Variants in RERE observed in about 807,000 individuals in gnomAD.
RERE encodes the protein arginine-glutamic acid dipeptide repeats.
In RERE, 40 loss-of-function variants were observed where a neutral mutation model predicts 146.1. The ratio of observed to expected loss-of-function variants is 0.27; its 90% CI spans 0.21 to 0.36. RERE has a LOEUF of 0.36. Ranked by LOEUF, RERE falls within the 10% of genes least tolerant of loss-of-function variation. The probability of loss-of-function intolerance (pLI) is 1.00; values close to 1 mark genes in which losing one functional copy is unlikely to be tolerated. For synonymous variants in RERE, 1,003 were observed against 866.0 expected, an observed-to-expected ratio of 1.16 and a Z score of -2.78; for missense variants, 1,933 against 2,138.7, an observed-to-expected ratio of 0.90 and a Z score of 1.90.
At chr1:8,647,015 G>C (rs761304311) in intron 2 of RERE, among the ~76,000 whole-genome samples, 7 of 152,230 alleles carry the variant, frequency 4.6e-5, no homozygotes, top group Non-Finnish European at 2.9e-5. Context: ...CTACTCAGGA[G>C]ATTGAGGCTG....
intron 11 of RERE, among the ~76,000 whole-genome samples, chr1:8,452,995 G>A (rs182086568): frequency 8.5e-4 from 130 of 152,242 alleles, no homozygotes; most frequent in Admixed American, 2.0e-3. Flanking sequence ...GTGAGCAACC[G>A]GATTACACAT....
Position 8,373,654 on chromosome 1 carries a change from A to G in RERE, c.1285-7680T>C, listed in dbSNP as rs1046874075. On this transcript the variant is annotated intron_variant, in intron 12 of 22. Coordinates refer to ENST00000400908, the MANE Select transcript of RERE (RefSeq NM_001042681.2). Reference sequence around the variant, plus strand: ...GTCTGCATGCGACGCTGTCCCCTGAAGAGCTGCCCTAACTGGAGTGCTCCA... The same window carrying G: ...GTCTGCATGCGACGCTGTCCCCTGAGGAGCTGCCCTAACTGGAGTGCTCCA... 7.9e-5 allele frequency among the ~76,000 whole-genome samples: 12 copies of G among 152,178 alleles called. 1 individual carries two copies. The highest frequency in any genetic ancestry group is 5.9e-4 in the Admixed American group (9 of 15,282).
At chr1:8,810,052 C>A (rs1179132565) in intron 1 of RERE, among the ~76,000 whole-genome samples, 1 of 151,920 alleles carries the variant, frequency 6.6e-6, no homozygotes, top group Non-Finnish European at 1.5e-5. Flanking sequence ...GTCGCCCAGG[C>A]TGGAGTGCAG....
Position 8,356,439 on chromosome 1 carries a change from C to T in RERE, c.4340-193G>A, listed in dbSNP as rs958629709. 4.6e-5 allele frequency among the ~76,000 whole-genome samples: 7 copies of T among 152,140 alleles called. No homozygotes were observed. The highest frequency in any genetic ancestry group is 4.2e-4 in the South Asian group (2 of 4,808). Reference sequence around the variant, plus strand: ...CACCTTCAGCAAGAGCTCCAGAGGCCGAGAGAAGTGACGAGCCCACCGCTG... The same window carrying T: ...CACCTTCAGCAAGAGCTCCAGAGGCTGAGAGAAGTGACGAGCCCACCGCTG... On this transcript the variant is annotated intron_variant, in intron 20 of 22. Transcript: ENST00000400908. This position sits in a 1 kb window ranked among gnomAD's most constrained non-coding sequence, Gnocchi z 5.2.
At chr1:8,480,159 A>C (rs1431124126) in intron 10 of RERE, among the ~76,000 whole-genome samples, 1 of 63,838 alleles carries the variant, frequency 1.6e-5, no homozygotes, top group Non-Finnish European at 3.0e-5. Flanking sequence ...TTTTTTTTTG[A>C]GACACAGTCT....
chr1:8,370,899 C>T (rs1003369442), intron 12 of RERE, among the ~76,000 whole-genome samples: 60 of 152,248 alleles, frequency 3.9e-4, no homozygotes, highest in African/African-American at 1.4e-3. Context: ...CAAAGGCAGC[C>T]TTGCAAATTA....
chr1:8,597,090 A>T (rs973384606), intron 4 of RERE, among the ~76,000 whole-genome samples: 2 of 144,326 alleles, frequency 1.4e-5, no homozygotes, highest in East Asian at 4.1e-4. Context: ...ACTGATGCTG[A>T]TTTTTTTTTT....
intron 12 of RERE, among the ~76,000 whole-genome samples, chr1:8,417,921 C>T (rs989753855): frequency 6.6e-6 from 1 of 152,160 alleles, no homozygotes; most frequent in Admixed American, 6.5e-5. Flanking sequence ...GTTGCTTTTC[C>T]TCTACCCTCC....
intron 6 of RERE, among the ~76,000 whole-genome samples, chr1:8,549,500 A>G (rs140334436): frequency 1.3e-5 from 2 of 152,360 alleles, no homozygotes; most frequent in East Asian, 1.9e-4. Flanking sequence ...ATTCCAATTA[A>G]TAAGTGTAGA....
At chr1:8,605,464 C>A (rs145964189) in intron 4 of RERE, among the ~76,000 whole-genome samples, 2 of 151,512 alleles carry the variant, frequency 1.3e-5, no homozygotes, top group African/African-American at 4.8e-5. Flanking sequence ...AACTAAAGGA[C>A]GGGTGCGGTG....
At chr1:8,666,007 T>C (rs1638562919) in intron 1 of RERE, among the ~76,000 whole-genome samples, 1 of 152,156 alleles carries the variant, frequency 6.6e-6, no homozygotes, top group Admixed American at 6.5e-5. Context: ...CACACAACTA[T>C]GTGTGAGACC....
chr1:8,521,039 A>G (rs1401945199), intron 7 of RERE, among the ~76,000 whole-genome samples: 1 of 152,150 alleles, frequency 6.6e-6, no homozygotes, highest in Non-Finnish European at 1.5e-5. Flanking sequence ...GTATGAATAT[A>G]GAAGGAAGAG....
chr1:8,452,048 C>T (rs901135918), intron 11 of RERE, among the ~76,000 whole-genome samples: 13 of 152,222 alleles, frequency 8.5e-5, no homozygotes, highest in African/African-American at 3.1e-4. Flanking sequence ...TGGGCAACAA[C>T]TTGCTACTAA....
chr1:8,722,546 A>G (rs1048959859), intron 1 of RERE, among the ~76,000 whole-genome samples: 5 of 152,238 alleles, frequency 3.3e-5, no homozygotes, highest in Non-Finnish European at 7.3e-5. Context: ...CTTGGCCTTC[A>G]TATCCCTGGG....
At chr1:8,614,965 TTAAGA>T (rs1289695685) in intron 3 of RERE, among the ~76,000 whole-genome samples, 1 of 152,140 alleles carries the variant, frequency 6.6e-6, no homozygotes, top group Non-Finnish European at 1.5e-5. Flanking sequence ...AATAACCAAG[TTAAGA>T]TGTGAGATAG....
At position 8,352,923 on chromosome 1, in the gene RERE, A is replaced by G. The variant is rs2124347569; in HGVS notation, c.*2164T>C. 6.5e-6 allele frequency: 1 copy of G among 152,728 alleles called. No individual in the cohort carries two copies. The highest frequency in any genetic ancestry group is 1.9e-4 in the East Asian group (1 of 5,188). 9.5% of individuals were successfully genotyped at this position (152,728 alleles called of 1,614,324 possible). On this transcript the variant is annotated 3_prime_UTR_variant, in exon 23 of 23. Coordinates refer to ENST00000400908, the MANE Select transcript of RERE (RefSeq NM_001042681.2). ...ACTCGACTCTTCTTTGGAAAAATGG[A>G]TGCCAAAGGAGGAGATAAAGAAGGT... is the stretch of plus-strand genomic sequence containing the variant.
At chr1:8,726,318 A>AT (rs1307599080) in intron 1 of RERE, among the ~76,000 whole-genome samples, 1 of 151,498 alleles carries the variant, frequency 6.6e-6, no homozygotes, top group Non-Finnish European at 1.5e-5. Context: ...CGCTCGGTTA[A>AT]TTTTTATATT....
Position 8,416,585 on chromosome 1 carries a change from C to CT in RERE, c.1284+6141_1284+6142insA, listed in dbSNP as rs1455006394. ...TGGGCGACAGAGCGAGACTCCATCT[C>CT]CAAAAAAAAAAAAAAAAGAAAAGAA... is the stretch of plus-strand genomic sequence containing the variant. On this transcript the variant is annotated intron_variant, in intron 12 of 22. Transcript: ENST00000400908. Among the ~76,000 whole-genome samples the CT allele has an allele frequency of 7.5e-5, 4 of 53,090 alleles. No individual in the cohort carries two copies. In the East Asian group the frequency reaches 3.0e-3, roughly 40 times the overall value. 34.8% of individuals were successfully genotyped at this position (53,090 alleles called of 152,430 possible).
intron 4 of RERE, among the ~76,000 whole-genome samples, chr1:8,593,555 C>T (rs376547701): frequency 4.6e-5 from 7 of 152,278 alleles, no homozygotes; most frequent in Middle Eastern, 3.4e-3. Context: ...AACTGTGAGC[C>T]AATTAAACCT....
Sources: allele counts gnomAD v4.1 joint callset (sites outside exome capture counted in the v4.1 genomes callset), GRCh38; gene constraint gnomAD v4.1.1; non-coding constraint Gnocchi (gnomAD v3.1); transcripts MANE v1.5; gene names NCBI Gene and HGNC (gene_info 2026-07-23, HGNC 2026-07-21).